The following BMP5 variants were observed in gnomAD, a reference collection of about 807,000 sequenced individuals.
The protein encoded by BMP5 is bone morphogenetic protein 5.
BMP5 carries 23 observed loss-of-function variants against 46.6 expected under a neutral mutation model. The ratio of observed to expected loss-of-function variants is 0.49; its 90% CI spans 0.35 to 0.70. The LOEUF is 0.70. Ranked by LOEUF, BMP5 falls within the 30% of genes least tolerant of loss-of-function variation. The pLI, the probability that BMP5 is intolerant of heterozygous loss-of-function variation, is 0.00. For missense variants in BMP5, 545 were observed against 565.6 expected (o/e 0.96, Z 0.37); for synonymous variants, 204 against 191.9 (o/e 1.06, Z -0.52).
At chr6:55,864,318 A>G (rs1777590938) in intron 1 of BMP5, among the ~76,000 whole-genome samples, 1 of 152,140 alleles carries the variant, frequency 6.6e-6, no homozygotes, top group South Asian at 2.1e-4. Context: ...AACCTTGTGA[A>G]AGGTGCTTGG....
intron 1 of BMP5, among the ~76,000 whole-genome samples, chr6:55,821,598 C>G (rs1209491909): frequency 1.3e-5 from 2 of 152,154 alleles, no homozygotes; most frequent in African/African-American, 4.8e-5. Flanking sequence ...ATATCATTAT[C>G]TTGGTCCTAA....
At chr6:55,778,098 A>T (rs1775221482) in intron 3 of BMP5, among the ~76,000 whole-genome samples, 1 of 152,094 alleles carries the variant, frequency 6.6e-6, no homozygotes, top group Non-Finnish European at 1.5e-5. Context: ...TTTAATGTGC[A>T]TCAATAACTA....
intron 3 of BMP5, among the ~76,000 whole-genome samples, chr6:55,782,602 A>C (rs945110557): frequency 6.6e-6 from 1 of 152,134 alleles, no homozygotes; most frequent in African/African-American, 2.4e-5. Flanking sequence ...TCATAGCATA[A>C]GTACAACTTC....
chr6:55,841,790 T>C (rs1776965588), intron 1 of BMP5, among the ~76,000 whole-genome samples: 1 of 152,174 alleles, frequency 6.6e-6, no homozygotes, highest in Non-Finnish European at 1.5e-5. Context: ...AGGCTTTATG[T>C]TAACTTAATC....
intron 1 of BMP5, among the ~76,000 whole-genome samples, chr6:55,825,884 G>A (rs1423482256): frequency 6.6e-6 from 1 of 151,810 alleles, no homozygotes; most frequent in African/African-American, 2.4e-5. Flanking sequence ...TCTCCCAGGA[G>A]CCTAGCCAGC....
At chr6:55,869,471 C>T (rs1222687347) in intron 1 of BMP5, among the ~76,000 whole-genome samples, 1 of 151,286 alleles carries the variant, frequency 6.6e-6, no homozygotes, top group East Asian at 1.9e-4. Context: ...TTCTCATTAT[C>T]TCTTTTCAAA....
intron 3 of BMP5, among the ~76,000 whole-genome samples, chr6:55,777,650 C>G (rs1053732124): frequency 2.6e-5 from 4 of 151,866 alleles, no homozygotes; most frequent in African/African-American, 9.7e-5. Flanking sequence ...AGATTTGATT[C>G]GCCAGGCATA....
At chr6:55,789,251 G>A (rs191652444) in intron 3 of BMP5, among the ~76,000 whole-genome samples, 1 of 152,012 alleles carries the variant, frequency 6.6e-6, no homozygotes, top group East Asian at 1.9e-4. Context: ...AATTCATTCT[G>A]AGTATTGCCA....
At chr6:55,813,786 C>CAAA (rs148453962) in intron 2 of BMP5, among the ~76,000 whole-genome samples, 1,890 of 123,680 alleles carry the variant, frequency 0.015, 46 homozygotes, top group African/African-American at 0.049. Context: ...GACACCGTCT[C>CAAA]AAAAAAAAAA....
chr6:55,816,750 C>T (rs1776280731), intron 2 of BMP5, among the ~76,000 whole-genome samples: 1 of 152,038 alleles, frequency 6.6e-6, no homozygotes, highest in African/African-American at 2.4e-5. Context: ...CCCAATGAAT[C>T]CATAGCCAGA....
chr6:55,773,307 T>C (rs3798843), intron 4 of BMP5, among the ~76,000 whole-genome samples: 5,986 of 152,042 alleles, frequency 0.039, 202 homozygotes, highest in Admixed American at 0.091. Flanking sequence ...ACCATTTTCA[T>C]CTAACAGCTT....
At chr6:55,840,613 T>C in intron 1 of BMP5, among the ~76,000 whole-genome samples, 1 of 152,314 alleles carries the variant, frequency 6.6e-6, no homozygotes, top group Admixed American at 6.5e-5. Context: ...TTCATTTATT[T>C]AAAATACATC....
intron 3 of BMP5, among the ~76,000 whole-genome samples, chr6:55,787,852 T>TGATTTTCTAAAATCTAAATCTCA (rs1361703303): frequency 1.5e-4 from 22 of 151,690 alleles, no homozygotes; most frequent in African/African-American, 5.3e-4. Context: ...AGAAAATCTC[T>TGATTTTCTAAAATCTAAATCTCA]GATTTTCTAA....
At position 55,814,293 on chromosome 6, in the gene BMP5, T is replaced by A. The variant is rs188796831; in HGVS notation, c.683+5362A>T. ...GTTATTATAATAAAAAACAATTTTT[T>A]GCCATTATGTATATAGTTCTGTAAA... is the stretch of plus-strand genomic sequence containing the variant. On this transcript the variant is annotated intron_variant, in intron 2 of 6. Transcript: ENST00000370830. Among the ~76,000 whole-genome samples, 1,415 of 152,270 alleles carry A rather than the reference T, an allele frequency of 9.3e-3. 17 individuals carry two copies. Among genetic ancestry groups the A allele is most frequent in the South Asian group, 0.035 (167 of 4,826 alleles).
intron 4 of BMP5, among the ~76,000 whole-genome samples, chr6:55,765,084 A>T: frequency 6.6e-6 from 1 of 152,164 alleles, no homozygotes; most frequent in East Asian, 1.9e-4. Context: ...ATGTATAATT[A>T]TTATGTATCA....
intron 1 of BMP5, among the ~76,000 whole-genome samples, chr6:55,838,363 C>A (rs948091862): frequency 6.6e-6 from 1 of 152,116 alleles, no homozygotes; most frequent in African/African-American, 2.4e-5. Flanking sequence ...TATCTCATTG[C>A]AGTTTTGATT....
chr6:55,848,415 T>C (rs1468566121), intron 1 of BMP5, among the ~76,000 whole-genome samples: 1 of 152,020 alleles, frequency 6.6e-6, no homozygotes. Flanking sequence ...ATACTACTTA[T>C]AATTCAATAT....
chr6:55,800,567 C>T lies in BMP5; in HGVS notation c.684-6140G>A, dbSNP rs142235172. On this transcript the variant is annotated intron_variant, in intron 2 of 6. Transcript: ENST00000370830. Reference sequence around the variant, plus strand: ...GGATGTGAACAGGCCTAGTAGCACACCAGGCATGTAGTATTGGAAATGTTA... The same window carrying T: ...GGATGTGAACAGGCCTAGTAGCACATCAGGCATGTAGTATTGGAAATGTTA... 3.3e-5 allele frequency among the ~76,000 whole-genome samples: 5 copies of T among 152,192 alleles called. No homozygotes were observed. The East Asian group carries it at 9.7e-4, about 29-fold the overall frequency.
intron 1 of BMP5, among the ~76,000 whole-genome samples, chr6:55,857,052 A>G (rs1182053631): frequency 6.6e-6 from 1 of 152,132 alleles, no homozygotes; most frequent in African/African-American, 2.4e-5. Context: ...GATCATAGTG[A>G]CTTGTTTTGT....
Sources: gnomAD v4.1 joint callset for allele counts (sites outside exome capture counted in the v4.1 genomes callset) on GRCh38, gnomAD v4.1.1 for gene constraint, MANE v1.5 for transcripts, NCBI Gene and HGNC (gene_info 2026-07-23, HGNC 2026-07-21) for gene names.